Variants in DLGAP2 observed in about 807,000 individuals in gnomAD.
DLGAP2 encodes disks large-associated protein 2.
A neutral mutation model predicts 100.3 loss-of-function variants in DLGAP2; 26 were observed. The observed-to-expected ratio is 0.26, with a 90% CI of 0.19 to 0.36. The LOEUF is 0.36. Ranked by LOEUF, DLGAP2 falls within the 10% of genes least tolerant of loss-of-function variation. The probability of loss-of-function intolerance (pLI) is 1.00; values close to 1 mark genes in which losing one functional copy is unlikely to be tolerated. For missense variants in DLGAP2, 1,858 were observed against 1,453.2 expected, an observed-to-expected ratio of 1.28 and a Z score of -4.53; for synonymous variants, 886 against 630.1, an observed-to-expected ratio of 1.41 and a Z score of -6.08.
chr8:1,242,206 T>C (rs1159125973), intron 2 of DLGAP2, among the ~76,000 whole-genome samples: 2 of 152,082 alleles, frequency 1.3e-5, no homozygotes, highest in African/African-American at 4.8e-5. Flanking sequence ...GGCAGAGCTC[T>C]GGGAACTGAG....
intron 13 of DLGAP2, among the ~76,000 whole-genome samples, chr8:1,696,942 C>T (rs1341399135): frequency 1.3e-5 from 2 of 152,236 alleles, no homozygotes; most frequent in East Asian, 1.9e-4. Flanking sequence ...AGCTGTGCTA[C>T]GTGTTTTTAG....
At chr8:1,646,743 C>T (rs541396081) in intron 8 of DLGAP2, among the ~76,000 whole-genome samples, 3 of 152,036 alleles carry the variant, frequency 2.0e-5, no homozygotes, top group Non-Finnish European at 4.4e-5. Context: ...GCTGACAGGT[C>T]GAGGCTGGCA....
chr8:1,469,171 C>T (rs184500320), intron 3 of DLGAP2, among the ~76,000 whole-genome samples: 4 of 152,346 alleles, frequency 2.6e-5, no homozygotes, highest in African/African-American at 9.6e-5. Flanking sequence ...GCCCTAAAAG[C>T]TGTGGCAGAT....
intron 12 of DLGAP2, among the ~76,000 whole-genome samples, chr8:1,683,440 C>G (rs1427463476): frequency 1.3e-5 from 2 of 151,476 alleles, no homozygotes; most frequent in South Asian, 2.1e-4. Flanking sequence ...GCTACCTGAC[C>G]TCACAGAGCC....
chr8:1,462,365 A>G lies in DLGAP2; in HGVS notation c.107-39001A>G, dbSNP rs200905242. 1.4e-3 allele frequency among the ~76,000 whole-genome samples: 92 copies of G among 63,574 alleles called. 4 individuals are homozygous for G. The highest frequency in any genetic ancestry group is 0.025 in the Middle Eastern group (2 of 80). 41.7% of individuals were successfully genotyped at this position (63,574 alleles called of 152,430 possible). ...CAGGACTGGGTGCAGTCGCTGATTC[A>G]GTGACCAGGAGGAGGGAGAAGGGTG... On this transcript the variant is annotated intron_variant, in intron 3 of 14. Coordinates refer to ENST00000637795, the MANE Select transcript of DLGAP2 (RefSeq NM_001346810.2).
intron 3 of DLGAP2, among the ~76,000 whole-genome samples, chr8:1,359,065 C>A (rs759684432): frequency 6.6e-6 from 1 of 152,264 alleles, no homozygotes; most frequent in South Asian, 2.1e-4. Flanking sequence ...GTGGGGCCCA[C>A]GATTCTGCAT....
At chr8:1,580,477 C>G (rs79761180) in intron 6 of DLGAP2, among the ~76,000 whole-genome samples, 3,758 of 152,280 alleles carry the variant, frequency 0.025, 136 homozygotes, top group African/African-American at 0.078. Context: ...CATCCGAGAG[C>G]TGCAGAGAGC....
At chr8:1,582,482 T>A (rs1803322259) in intron 6 of DLGAP2, among the ~76,000 whole-genome samples, 1 of 151,864 alleles carries the variant, frequency 6.6e-6, no homozygotes, top group Admixed American at 6.6e-5. Flanking sequence ...AGAAAATATC[T>A]TTCATAAATC....
In DLGAP2 at chr8:973,949, C is replaced by T. The variant is rs188683853; in HGVS notation, c.73+65983C>T. Among the ~76,000 whole-genome samples the T allele has an allele frequency of 4.1e-3, 614 of 151,478 alleles. 5 individuals carry two copies. Among genetic ancestry groups the T allele is most frequent in the African/African-American group, 0.011 (454 of 41,494 alleles). On this transcript the variant is annotated intron_variant, in intron 2 of 14. Transcript: ENST00000637795. The stretch of plus-strand genomic sequence containing the variant: ...GCTGGAGAGCGCTGGGCGCAAGCTG[C>T]GCGCGCAGACCGGGCCACTCGGTCG...
chr8:954,842 C>A (rs1436553858), intron 2 of DLGAP2, among the ~76,000 whole-genome samples: 1 of 152,010 alleles, frequency 6.6e-6, no homozygotes, highest in African/African-American at 2.4e-5. Flanking sequence ...ATGTAACTTT[C>A]CTTGTTATTC....
chr8:984,677 A>G (rs1019453054), intron 2 of DLGAP2, among the ~76,000 whole-genome samples: 5 of 152,232 alleles, frequency 3.3e-5, no homozygotes, highest in African/African-American at 9.6e-5. Flanking sequence ...GACCTCACTT[A>G]AAGACAGGAC....
intron 8 of DLGAP2, among the ~76,000 whole-genome samples, chr8:1,639,668 G>A (rs1797850831): frequency 6.6e-6 from 1 of 152,226 alleles, no homozygotes; most frequent in Admixed American, 6.5e-5. Flanking sequence ...CCGTCTCACA[G>A]TCACAGAGGT....
At chr8:1,210,062 A>T (rs1386899985) in intron 2 of DLGAP2, among the ~76,000 whole-genome samples, 1 of 152,126 alleles carries the variant, frequency 6.6e-6, no homozygotes, top group Non-Finnish European at 1.5e-5. Flanking sequence ...ACAACCCCTG[A>T]GCCTAAGAGC....
chr8:1,241,165 T>C (rs1178946755), intron 2 of DLGAP2, among the ~76,000 whole-genome samples: 1 of 143,156 alleles, frequency 7.0e-6, no homozygotes, highest in Non-Finnish European at 1.5e-5. Context: ...TGTCTAGTTC[T>C]CTCACGTGGC....
intron 2 of DLGAP2, among the ~76,000 whole-genome samples, chr8:1,155,437 C>G (rs942005329): frequency 2.0e-5 from 3 of 152,120 alleles, no homozygotes; most frequent in Non-Finnish European, 2.9e-5. Context: ...GGCGCACCGG[C>G]TTCCCTGGGA....
At chr8:1,488,867 G>C (rs74861761) in intron 3 of DLGAP2, among the ~76,000 whole-genome samples, 4,638 of 152,234 alleles carry the variant, frequency 0.03, 259 homozygotes, top group African/African-American at 0.11. Context: ...GGGGCATGCA[G>C]GGGGCATCAA....
At chr8:1,419,260 T>C (rs1479481961) in intron 3 of DLGAP2, among the ~76,000 whole-genome samples, 2 of 147,820 alleles carry the variant, frequency 1.4e-5, no homozygotes, top group Non-Finnish European at 3.0e-5. Context: ...TTATAAATGG[T>C]TATTTTTGGT....
chr8:1,065,960 G>C (rs1196441451), intron 2 of DLGAP2, among the ~76,000 whole-genome samples: 1 of 152,240 alleles, frequency 6.6e-6, no homozygotes, highest in Non-Finnish European at 1.5e-5. Flanking sequence ...AGGAGACACT[G>C]CCGAGCTGGA....
chr8:1,079,601 G>A (rs1462598859), intron 2 of DLGAP2, among the ~76,000 whole-genome samples: 1 of 152,166 alleles, frequency 6.6e-6, no homozygotes, highest in Non-Finnish European at 1.5e-5. Context: ...ATGGTCATGT[G>A]TTTATCTTAG....
Sources: allele counts gnomAD v4.1 joint callset (sites outside exome capture counted in the v4.1 genomes callset), GRCh38; gene constraint gnomAD v4.1.1; transcripts MANE v1.5; gene names NCBI Gene and HGNC (gene_info 2026-07-23, HGNC 2026-07-21).